Variants in C1orf94 observed in about 807,000 individuals in gnomAD.
C1orf94 encodes the protein chromosome 1 open reading frame 94.
In C1orf94, 45 loss-of-function variants were observed where a neutral mutation model predicts 53.6. The observed-to-expected ratio is 0.84, with a 90% confidence interval of 0.66 to 1.08. The LOEUF (loss-of-function observed/expected upper bound fraction) is 1.08. Among genes scored for constraint, C1orf94 ranks in the 50% least tolerant of loss-of-function variants. The pLI, the probability that C1orf94 is intolerant of heterozygous loss-of-function variation, is 0.00. For synonymous variants in C1orf94, 304 were observed against 296.1 expected, an observed-to-expected ratio of 1.03 and a Z score of -0.27; for missense variants, 762 against 738.9, an observed-to-expected ratio of 1.03 and a Z score of -0.36.
rs753924780 is a variant in C1orf94 at position 34,212,192 on chromosome 1, C to G, written c.1525-18C>G. On this transcript the variant is annotated intron_variant, in intron 5 of 6. Coordinates refer to ENST00000488417, the MANE Select transcript of C1orf94 (RefSeq NM_001134734.2). ...TGGGGAATGGTGACCTCACCCCTCT[C>G]TTCTCTGTGATGTGCAGGTGATGCC... 13 of 1,593,502 alleles carry G rather than the reference C, an allele frequency of 8.2e-6. No individual in the cohort carries two copies. The highest frequency in any genetic ancestry group is 3.4e-4 in the Middle Eastern group (2 of 5,964).
intron 1 of C1orf94, among the ~76,000 whole-genome samples, chr1:34,195,021 G>A (rs1203655915): frequency 3.3e-5 from 5 of 152,102 alleles, no homozygotes; most frequent in Non-Finnish European, 4.4e-5. Context: ...GGACTCAGCC[G>A]GGAAAGTGAG....
chr1:34,194,807 G>A (rs1642554011), intron 1 of C1orf94, among the ~76,000 whole-genome samples: 1 of 152,126 alleles, frequency 6.6e-6, no homozygotes, highest in South Asian at 2.1e-4. Context: ...TGACCTAATT[G>A]TACTGTGTCT....
chr1:34,208,756 A>C (rs1057145666), intron 5 of C1orf94, among the ~76,000 whole-genome samples: 2 of 152,174 alleles, frequency 1.3e-5, no homozygotes, highest in African/African-American at 4.8e-5. Flanking sequence ...CTGAAGATTC[A>C]GTACCTCTTG....
chr1:34,212,184 AC>A (rs761136420), intron 5 of C1orf94, 25 bp from the exon 6 acceptor site: 1 of 1,579,024 alleles, frequency 6.3e-7, no homozygotes, highest in Admixed American at 1.8e-5. Context: ...TGGTGACCTC[AC>A]CCCTCTCTTC....
chr1:34,190,865 T>C (rs764199168), intron 1 of C1orf94, among the ~76,000 whole-genome samples: 1 of 152,192 alleles, frequency 6.6e-6, no homozygotes, highest in African/African-American at 2.4e-5. Context: ...CAAAGCTTAG[T>C]GGCTGAAAAC....
intron 6 of C1orf94, among the ~76,000 whole-genome samples, chr1:34,213,838 G>A (rs1157890968): frequency 2.6e-5 from 4 of 152,116 alleles, no homozygotes; most frequent in Non-Finnish European, 5.9e-5. Context: ...ACCGTGCCCA[G>A]CATCCACATC....
At position 34,200,889 on chromosome 1, in the gene C1orf94, C is replaced by A; in HGVS notation, c.1127C>A (p.Thr376Asn). The A allele has an allele frequency of 6.2e-7, 1 of 1,614,134 alleles. No individual in the cohort carries two copies. Among genetic ancestry groups the A allele is most frequent in the Non-Finnish European group, 8.5e-7 (1 of 1,180,024 alleles). Residue 376 changes from threonine (T) to asparagine (N), a missense_variant, in exon 3 of 7, where the codon ACC (threonine) becomes AAC (asparagine). Physicochemically the swap from Thr to Asn is moderately conservative, Grantham distance 65. Transcript: ENST00000488417. ...GEEGCCDAVG[T>N]ASLTLPPKKP... ...GAGGGTTGCTGTGACGCAGTGGGCA[C>A]CGCATCACTGACCCTGCCGCCCAAG...
chr1:34,205,389 A>C (rs1436815813), intron 4 of C1orf94, among the ~76,000 whole-genome samples: 1 of 152,216 alleles, frequency 6.6e-6, no homozygotes, highest in East Asian at 1.9e-4. Context: ...AACATAGCTG[A>C]TCAAGGGGCC....
Position 34,201,052 on chromosome 1 carries a change from G to A in C1orf94, c.1270+20G>A, listed in dbSNP as rs200557541. 60 of 1,562,548 alleles carry A rather than the reference G, an allele frequency of 3.8e-5. No homozygotes were observed. In the Admixed American group the frequency reaches 1.1e-3, roughly 29 times the overall value. On this transcript the variant is annotated intron_variant, in intron 3 of 6. Coordinates refer to ENST00000488417, the MANE Select transcript of C1orf94 (RefSeq NM_001134734.2). ...TGAAATGTGAGCTGACCTACCCAGG[G>A]AGGGATTGGAGGGGAGGGGGTTGCA...
chr1:34,170,241 T>G (rs1642125945), intron 1 of C1orf94, among the ~76,000 whole-genome samples: 1 of 152,188 alleles, frequency 6.6e-6, no homozygotes, highest in African/African-American at 2.4e-5. Flanking sequence ...CTGTGCTAGG[T>G]GTTGAGGAAA....
At chr1:34,192,592 A>G (rs1165422042) in intron 1 of C1orf94, among the ~76,000 whole-genome samples, 1 of 152,194 alleles carries the variant, frequency 6.6e-6, no homozygotes, top group African/African-American at 2.4e-5. Flanking sequence ...AACAAGATAA[A>G]GTCCCTGCCC....
Position 34,197,393 on chromosome 1 carries a change from C to G in C1orf94, c.489C>G (p.Ala163=). The change falls in exon 2 of 7, where the codon GCC becomes GCG. Residue 163 remains alanine (A), a synonymous_variant. Coordinates refer to ENST00000488417, the MANE Select transcript of C1orf94 (RefSeq NM_001134734.2). This position sits in a 1 kb window ranked among gnomAD's most constrained non-coding sequence, Gnocchi z 4.1. ...GTRELAPCIL[A]PPLVAGSNER... ...GAGAGCTGGCTCCCTGCATTCTTGC[C>G]CCTCCTCTAGTGGCAGGCAGTAATG... is the stretch of plus-strand genomic sequence containing the variant. 6.2e-7 allele frequency: 1 copy of G among 1,613,720 alleles called. No individual in the cohort carries two copies. The highest frequency in any genetic ancestry group is 1.1e-5 in the South Asian group (1 of 91,040).
chr1:34,214,017 T>A lies in C1orf94; in HGVS notation c.1721+1611T>A, dbSNP rs1027052713. On this transcript the variant is annotated intron_variant, in intron 6 of 6. Coordinates refer to ENST00000488417, the MANE Select transcript of C1orf94 (RefSeq NM_001134734.2). ...GTTGACACATGTAGTTAATTTGAAT[T>A]TAGCCTGCAGGGGACCTATAGATGA... is the stretch of plus-strand genomic sequence containing the variant. Among the ~76,000 whole-genome samples the A allele has an allele frequency of 3.9e-5, 6 of 152,244 alleles. 1 individual carries two copies. Among genetic ancestry groups the A allele is most frequent in the South Asian group, 4.1e-4 (2 of 4,836 alleles).
intron 5 of C1orf94, among the ~76,000 whole-genome samples, chr1:34,209,338 G>T (rs899599135): frequency 7.3e-6 from 1 of 136,780 alleles, no homozygotes; most frequent in Non-Finnish European, 1.5e-5. Context: ...AGAAACACAG[G>T]TATAGTTGTA....
chr1:34,203,417 G>A (rs904644879), intron 4 of C1orf94, among the ~76,000 whole-genome samples: 5 of 152,002 alleles, frequency 3.3e-5, no homozygotes, highest in Non-Finnish European at 4.4e-5. Context: ...GTGAGCCACC[G>A]CACCCGGCCC....
chr1:34,199,425 T>A (rs963579313), intron 2 of C1orf94, among the ~76,000 whole-genome samples: 4 of 152,242 alleles, frequency 2.6e-5, no homozygotes, highest in African/African-American at 7.2e-5. Flanking sequence ...AAATGTTGTT[T>A]CCTTCTAAAT....
At position 34,197,499 on chromosome 1, in the gene C1orf94, G is replaced by T. The variant is rs776777110; in HGVS notation, c.595G>T (p.Asp199Tyr). ...CATGCCCGTTATCAGCAGCAGGCAG[G>T]ACTGTGATTCTGCCACTTCTACTGT... Reference protein sequence around the residue: ...VAMPVISSRQDCDSATSTVTD... With the variant: ...VAMPVISSRQYCDSATSTVTD... Residue 199 changes from aspartate to tyrosine, a missense_variant, in exon 2 of 7, where the codon GAC becomes TAC. By Grantham distance (160) the Asp-to-Tyr change is radical. Coordinates refer to ENST00000488417, the MANE Select transcript of C1orf94 (RefSeq NM_001134734.2). This position sits in a 1 kb window ranked among gnomAD's most constrained non-coding sequence, Gnocchi z 4.1. 3.1e-6 allele frequency: 5 copies of T among 1,614,024 alleles called. No individual in the cohort carries two copies. In the East Asian group the frequency reaches 6.7e-5, roughly 22 times the overall value.
intron 1 of C1orf94, among the ~76,000 whole-genome samples, chr1:34,185,843 G>A (rs552007804): frequency 6.6e-6 from 1 of 152,310 alleles, no homozygotes; most frequent in South Asian, 2.1e-4. Flanking sequence ...AGGGGTCTCT[G>A]TAGTGGCCCT....
intron 1 of C1orf94, among the ~76,000 whole-genome samples, chr1:34,182,119 A>C (rs1424514151): frequency 6.6e-6 from 1 of 152,242 alleles, no homozygotes; most frequent in Non-Finnish European, 1.5e-5. Flanking sequence ...ACTTGAGCTC[A>C]GGAAAGTCGA....
Sources: gnomAD v4.1 joint callset for allele counts (sites outside exome capture counted in the v4.1 genomes callset) on GRCh38, gnomAD v4.1.1 for gene constraint, Gnocchi (gnomAD v3.1) non-coding constraint, MANE v1.5 for transcripts, NCBI Gene and HGNC (gene_info 2026-07-23, HGNC 2026-07-21) for gene names.